STIM1: variants seen among roughly 807,000 people sequenced by gnomAD.
STIM1 encodes the protein stromal interaction molecule 1.
Under a neutral mutation model 74.7 loss-of-function variants are expected in STIM1, and 25 were observed. That is an observed-to-expected ratio of 0.33 (90% CI 0.24 to 0.47). STIM1 has a LOEUF of 0.47. STIM1 is among the 20% of genes least tolerant of loss of function. The pLI, the probability that STIM1 is intolerant of heterozygous loss-of-function variation, is 1.00. For missense variants in STIM1, 728 were observed against 920.8 expected (o/e 0.79, Z 2.71); for synonymous variants, 328 against 348.8 (o/e 0.94, Z 0.66).
intron 1 of STIM1, among the ~76,000 whole-genome samples, chr11:3,904,160 G>A (rs1308069460): frequency 7.9e-6 from 1 of 125,844 alleles, no homozygotes; most frequent in African/African-American, 3.0e-5. Context: ...TCGCTCCACT[G>A]TACTCCAGCC....
At chr11:3,926,919 A>C (rs1047244867) in intron 1 of STIM1, among the ~76,000 whole-genome samples, 1 of 152,208 alleles carries the variant, frequency 6.6e-6, no homozygotes, top group African/African-American at 2.4e-5. Context: ...GTCTGGGCTC[A>C]AATTCTGGGC....
intron 7 of STIM1, among the ~76,000 whole-genome samples, chr11:4,079,348 C>T (rs943104929): frequency 2.7e-5 from 4 of 150,578 alleles, no homozygotes; most frequent in Non-Finnish European, 4.4e-5. Flanking sequence ...CCGAGGTGTG[C>T]AGATCACCTG....
chr11:4,026,006 A>T (rs2093995322), intron 3 of STIM1, among the ~76,000 whole-genome samples: 1 of 152,172 alleles, frequency 6.6e-6, no homozygotes, highest in South Asian at 2.1e-4. Context: ...GAGAATTTTT[A>T]TATGTCCTCT....
intron 2 of STIM1, among the ~76,000 whole-genome samples, chr11:3,975,277 G>A (rs564823029): frequency 6.6e-6 from 1 of 152,318 alleles, no homozygotes; most frequent in South Asian, 2.1e-4. Context: ...GAAAAGTGCT[G>A]TTTAAAGTTC....
At chr11:4,086,331 G>A in intron 11 of STIM1, 146 bp from the exon 12 acceptor site, 1 of 855,636 alleles carries the variant, frequency 1.2e-6, no homozygotes, top group Non-Finnish European at 1.8e-6. Flanking sequence ...CCTGGTGGGA[G>A]GTTTCTGGGA....
intron 2 of STIM1, chr11:3,989,391 C>A: frequency 1.3e-6 from 1 of 764,948 alleles, no homozygotes; most frequent in Non-Finnish European, 2.4e-6. Context: ...GTTTAGCAGA[C>A]AACCGCGCCG....
chr11:4,072,452 C>A (rs1590690246), intron 6 of STIM1, among the ~76,000 whole-genome samples: 1 of 152,150 alleles, frequency 6.6e-6, no homozygotes, highest in East Asian at 1.9e-4. Flanking sequence ...AATTTTGATT[C>A]CCAAAACAGG....
At chr11:3,991,670 C>T (rs528785499) in intron 2 of STIM1, among the ~76,000 whole-genome samples, 2 of 151,686 alleles carry the variant, frequency 1.3e-5, no homozygotes, top group Admixed American at 1.3e-4. Context: ...CTGCTGTGGC[C>T]GGGCGCGGTG....
Position 4,092,834 on chromosome 11 carries a change from T to C in STIM1, c.*1036T>C, listed in dbSNP as rs1031407844. 2.0e-5 allele frequency: 3 copies of C among 152,266 alleles called. No individual in the cohort carries two copies. The highest frequency in any genetic ancestry group is 2.0e-4 in the Admixed American group (3 of 15,284). 9.4% of individuals were successfully genotyped at this position (152,266 alleles called of 1,614,324 possible). ...ATATTCCCCTTGTTAGATCCCATTT[T>C]CATGTTACTTTGTAGCCTTGGCCAG... On this transcript the variant is annotated 3_prime_UTR_variant, in exon 13 of 13. Transcript: ENST00000526596.
Position 4,029,212 on chromosome 11 carries a change from TA to T in STIM1, c.385+5229del, listed in dbSNP as rs2094025918. ...CTCAAAAAATAAATAAATAAATAAA[TA>T]AAATAAAGTAAACATTACAGTAAGT... On this transcript the variant is annotated intron_variant, in intron 3 of 12. Coordinates refer to ENST00000526596, the MANE Select transcript of STIM1 (RefSeq NM_001382567.1). 1.3e-5 allele frequency among the ~76,000 whole-genome samples: 2 copies of T among 151,836 alleles called. 1 individual carries two copies. Among genetic ancestry groups the T allele is most frequent in the South Asian group, 4.2e-4 (2 of 4,790 alleles).
At chr11:4,039,975 G>T (rs576745967) in intron 3 of STIM1, among the ~76,000 whole-genome samples, 6 of 151,958 alleles carry the variant, frequency 3.9e-5, no homozygotes, top group Non-Finnish European at 8.8e-5. Flanking sequence ...CATCATGTTG[G>T]CCAGGCTGGT....
intron 2 of STIM1, among the ~76,000 whole-genome samples, chr11:3,991,415 C>G (rs1412427368): frequency 6.6e-6 from 1 of 151,740 alleles, no homozygotes; most frequent in Non-Finnish European, 1.5e-5. Context: ...AAGCTCTCCT[C>G]CCGCCTTGGC....
At chr11:4,042,366 C>T (rs894475795) in intron 3 of STIM1, among the ~76,000 whole-genome samples, 1 of 152,138 alleles carries the variant, frequency 6.6e-6, no homozygotes, top group African/African-American at 2.4e-5. Flanking sequence ...TCCCCTTAAC[C>T]CCTTATGGCT....
chr11:3,884,402 C>T (rs2091630299), intron 1 of STIM1, among the ~76,000 whole-genome samples: 1 of 152,142 alleles, frequency 6.6e-6, no homozygotes, highest in Non-Finnish European at 1.5e-5. Context: ...GTGTGGGAGC[C>T]AGCCAGATGT....
At chr11:3,946,645 C>T (rs549335893) in intron 1 of STIM1, among the ~76,000 whole-genome samples, 1 of 152,250 alleles carries the variant, frequency 6.6e-6, no homozygotes, top group African/African-American at 2.4e-5. Context: ...AATTTTGGCT[C>T]CTTTAGGCTG....
chr11:3,943,888 A>G (rs2093040594), intron 1 of STIM1, among the ~76,000 whole-genome samples: 1 of 152,280 alleles, frequency 6.6e-6, no homozygotes, highest in Non-Finnish European at 1.5e-5. Flanking sequence ...TCACGTATAT[A>G]CACAGATTCA....
At chr11:4,040,363 G>A (rs966799293) in intron 3 of STIM1, among the ~76,000 whole-genome samples, 2 of 152,156 alleles carry the variant, frequency 1.3e-5, no homozygotes, top group African/African-American at 4.8e-5. Flanking sequence ...AGGAAATGTT[G>A]TTCTTTTTCA....
intron 1 of STIM1, among the ~76,000 whole-genome samples, chr11:3,924,959 C>T (rs956296862): frequency 2.0e-5 from 3 of 152,138 alleles, no homozygotes; most frequent in African/African-American, 7.2e-5. Flanking sequence ...CCTTAACTGG[C>T]ACATGAAAGA....
chr11:3,870,281 T>G (rs533326782), intron 1 of STIM1, among the ~76,000 whole-genome samples: 19 of 152,326 alleles, frequency 1.2e-4, no homozygotes, highest in Admixed American at 3.9e-4. Flanking sequence ...AAGCTGAGCC[T>G]TGACTCTAGG....
Sources: allele counts gnomAD v4.1 joint callset (sites outside exome capture counted in the v4.1 genomes callset), GRCh38; gene constraint gnomAD v4.1.1; transcripts MANE v1.5; gene names NCBI Gene and HGNC (gene_info 2026-07-23, HGNC 2026-07-21).